Variants in CNGA1 observed in about 807,000 individuals in gnomAD.
CNGA1 encodes cyclic nucleotide gated channel subunit alpha 1, also known as cyclic nucleotide-gated channel alpha-1.
In CNGA1, 53 loss-of-function variants were observed where a neutral mutation model predicts 69.7. The ratio of observed to expected loss-of-function variants is 0.76; its 90% CI spans 0.61 to 0.96. CNGA1 has a LOEUF of 0.96. CNGA1 is among the 40% of genes least tolerant of loss of function. The probability of loss-of-function intolerance (pLI) is 0.00; values close to 1 mark genes in which losing one functional copy is unlikely to be tolerated. For synonymous variants in CNGA1, 249 were observed against 283.5 expected (o/e 0.88, Z 1.22); for missense variants, 739 against 811.2 (o/e 0.91, Z 1.08).
chr4:47,993,256 A>G (rs925166595), intron 2 of CNGA1, among the ~76,000 whole-genome samples: 2 of 152,176 alleles, frequency 1.3e-5, no homozygotes, highest in African/African-American at 4.8e-5. Context: ...TAGTGTCAGT[A>G]GAATTGGTAC....
chr4:47,953,372 G>A (rs1177378774), intron 3 of CNGA1, among the ~76,000 whole-genome samples: 1 of 152,092 alleles, frequency 6.6e-6, no homozygotes, highest in African/African-American at 2.4e-5. Context: ...AAAACCATAG[G>A]GACCTCGCAT....
intron 10 of CNGA1, among the ~76,000 whole-genome samples, chr4:47,938,189 AAAAAAAAG>A (rs1738801774): frequency 1.3e-5 from 2 of 151,646 alleles, no homozygotes; most frequent in Non-Finnish European, 2.9e-5. Flanking sequence ...AAAAAAAAGA[AAAAAAAAG>A]AAAAAAAGAA....
At chr4:47,998,611 C>T (rs1010379685) in intron 2 of CNGA1, among the ~76,000 whole-genome samples, 1 of 146,736 alleles carries the variant, frequency 6.8e-6, no homozygotes, top group Non-Finnish European at 1.5e-5. Flanking sequence ...CCCGTCTCTA[C>T]TAAAAATACA....
intron 3 of CNGA1, among the ~76,000 whole-genome samples, chr4:47,971,676 T>C (rs1359230535): frequency 6.6e-6 from 1 of 152,000 alleles, no homozygotes; most frequent in Non-Finnish European, 1.5e-5. Context: ...GGCGGATCAT[T>C]TGAGGTAAGG....
chr4:47,960,585 T>C (rs1051542548), intron 3 of CNGA1, among the ~76,000 whole-genome samples: 2 of 152,164 alleles, frequency 1.3e-5, no homozygotes, highest in Admixed American at 6.6e-5. Context: ...AAAACACATA[T>C]GATGAAATGA....
intron 3 of CNGA1, among the ~76,000 whole-genome samples, chr4:47,977,571 C>T (rs981881553): frequency 1.3e-5 from 2 of 152,026 alleles, no homozygotes; most frequent in African/African-American, 2.4e-5. Flanking sequence ...GTGCACTGAC[C>T]CATTATTTTA....
At chr4:47,991,276 C>T (rs1226054853) in intron 2 of CNGA1, among the ~76,000 whole-genome samples, 1 of 152,204 alleles carries the variant, frequency 6.6e-6, no homozygotes, top group Non-Finnish European at 1.5e-5. Context: ...TTCCCACCAG[C>T]AGTGTAGAAA....
At chr4:47,948,463 G>A (rs1739555232) in intron 6 of CNGA1, among the ~76,000 whole-genome samples, 1 of 152,132 alleles carries the variant, frequency 6.6e-6, no homozygotes, top group African/African-American at 2.4e-5. Flanking sequence ...GACAAATGTA[G>A]GAAAGGTATG....
Position 47,942,100 on chromosome 4 carries a change from G to A in CNGA1, c.486C>T (p.Tyr162=), listed in dbSNP as rs770265187. ...VVIDPSGNTY[Y]NWLFCITLPV... ...GTAATGTGATGCAAAACAGCCAGTTGTAATATGTGTTTCCCGAGGGATCAA... is the reference window on the plus strand; with the variant it reads ...GTAATGTGATGCAAAACAGCCAGTTATAATATGTGTTTCCCGAGGGATCAA... The change falls in exon 9 of 11, where the codon TAC becomes TAT. Residue 162 remains tyrosine (Y), a synonymous_variant. Transcript: ENST00000514170. 6.2e-7 allele frequency: 1 copy of A among 1,613,616 alleles called. No individual in the cohort carries two copies. The highest frequency in any genetic ancestry group is 8.5e-7 in the Non-Finnish European group (1 of 1,179,856).
chr4:47,960,449 A>G (rs1362821075), intron 3 of CNGA1, among the ~76,000 whole-genome samples: 1 of 152,256 alleles, frequency 6.6e-6, no homozygotes, highest in African/African-American at 2.4e-5. Flanking sequence ...AGATGAAAAC[A>G]TAGGAAAATA....
chr4:48,008,135 T>C (rs937012535), intron 2 of CNGA1, among the ~76,000 whole-genome samples: 7 of 152,154 alleles, frequency 4.6e-5, no homozygotes, highest in South Asian at 2.1e-4. Flanking sequence ...GGAAAGACCA[T>C]TGTAATTTCC....
At chr4:47,973,082 T>A (rs1271417807) in intron 3 of CNGA1, among the ~76,000 whole-genome samples, 3 of 151,010 alleles carry the variant, frequency 2.0e-5, no homozygotes. Context: ...TTTTTTTTTT[T>A]TTTGAGAGGG....
chr4:47,942,508 G>T (rs774011813), intron 8 of CNGA1, among the ~76,000 whole-genome samples: 35 of 152,258 alleles, frequency 2.3e-4, no homozygotes, highest in Non-Finnish European at 4.6e-4. Context: ...TAAAGCCCTG[G>T]TTTCACTGCG....
chr4:47,977,544 T>TATC (rs1741478431), intron 3 of CNGA1, among the ~76,000 whole-genome samples: 1 of 152,112 alleles, frequency 6.6e-6, no homozygotes, highest in Non-Finnish European at 1.5e-5. Flanking sequence ...TCACATAATA[T>TATC]AGAGAGCTTA....
intron 2 of CNGA1, among the ~76,000 whole-genome samples, chr4:47,990,904 C>T (rs947841676): frequency 3.3e-5 from 5 of 152,168 alleles, no homozygotes; most frequent in African/African-American, 1.2e-4. Flanking sequence ...TATTTGGTTT[C>T]CCATTCCTGA....
chr4:47,999,902 A>C (rs1714585781), intron 2 of CNGA1, among the ~76,000 whole-genome samples: 1 of 152,192 alleles, frequency 6.6e-6, no homozygotes, highest in African/African-American at 2.4e-5. Flanking sequence ...TGGATTAGCA[A>C]ACAAGGACAT....
intron 3 of CNGA1, among the ~76,000 whole-genome samples, chr4:47,957,832 G>A (rs1456739558): frequency 6.6e-6 from 1 of 151,780 alleles, no homozygotes; most frequent in African/African-American, 2.4e-5. Flanking sequence ...ACCTTGATTA[G>A]CTTTGGCCAT....
chr4:48,006,537 T>A (rs1272557064), intron 2 of CNGA1, among the ~76,000 whole-genome samples: 1 of 152,186 alleles, frequency 6.6e-6, no homozygotes, highest in Non-Finnish European at 1.5e-5. Context: ...TCCTGTATAA[T>A]TTTTATACCA....
At chr4:47,990,158 A>G (rs1310909142) in intron 2 of CNGA1, among the ~76,000 whole-genome samples, 2 of 152,162 alleles carry the variant, frequency 1.3e-5, no homozygotes, top group African/African-American at 4.8e-5. Flanking sequence ...AAAGAACAGA[A>G]TAACAGTGAT....
Sources: allele counts gnomAD v4.1 joint callset (sites outside exome capture counted in the v4.1 genomes callset), GRCh38; gene constraint gnomAD v4.1.1; transcripts MANE v1.5; gene names NCBI Gene and HGNC (gene_info 2026-07-23, HGNC 2026-07-21).